The following TGFA variants were observed in gnomAD, a reference collection of about 807,000 sequenced individuals.
The protein encoded by TGFA is transforming growth factor alpha, also known as protransforming growth factor alpha.
Under a neutral mutation model 21.7 loss-of-function variants are expected in TGFA, and 12 were observed. That is an observed-to-expected ratio of 0.55 (90% CI 0.35 to 0.90). The LOEUF is 0.90. TGFA is among the 40% of genes least tolerant of loss of function. The pLI, the probability that TGFA is intolerant of heterozygous loss-of-function variation, is 0.01. For synonymous variants in TGFA, 79 were observed against 88.1 expected (o/e 0.90, Z 0.58); for missense variants, 178 against 210.8 (o/e 0.84, Z 0.96).
chr2:70,551,101 T>C (rs74984127), intron 1 of TGFA, among the ~76,000 whole-genome samples: 1,650 of 152,064 alleles, frequency 0.011, 35 homozygotes, highest in African/African-American at 0.037. Context: ...GATTAAGATC[T>C]TACTACATAC....
chr2:70,524,513 G>A (rs1166161614), intron 1 of TGFA, among the ~76,000 whole-genome samples: 1 of 152,202 alleles, frequency 6.6e-6, no homozygotes, highest in East Asian at 1.9e-4. Context: ...GAGCCCTCTC[G>A]GGCTGGCTGG....
rs111810845 is a variant in TGFA, at chr2:70,522,980, A to T, written c.41-8068T>A. Among the ~76,000 whole-genome samples, 385 of 152,294 alleles carry T rather than the reference A, an allele frequency of 2.5e-3. 2 individuals carry two copies. Among genetic ancestry groups the T allele is most frequent in the Admixed American group, 4.4e-3 (67 of 15,308 alleles). On this transcript the variant is annotated intron_variant, in intron 1 of 5. Transcript: ENST00000295400. Reference sequence around the variant, plus strand: ...GAACTCCATTATAAATAGCTGTACCATTGTTCAGTTGGGTGGTAAGTTAAA... The same window carrying T: ...GAACTCCATTATAAATAGCTGTACCTTTGTTCAGTTGGGTGGTAAGTTAAA...
At chr2:70,519,491 T>C (rs1260514026) in intron 1 of TGFA, among the ~76,000 whole-genome samples, 1 of 152,220 alleles carries the variant, frequency 6.6e-6, no homozygotes, top group Non-Finnish European at 1.5e-5. Flanking sequence ...CAGGTGAGGA[T>C]GCTGGCTTCA....
In TGFA at chr2:70,448,860, C is replaced by A. The variant is rs782561309; in HGVS notation, c.*1999G>T. 1 of 152,242 alleles carries A rather than the reference C, an allele frequency of 6.6e-6. No homozygotes were observed. Among genetic ancestry groups the A allele is most frequent in the Non-Finnish European group, 1.5e-5 (1 of 68,072 alleles). 9.4% of individuals were successfully genotyped at this position (152,242 alleles called of 1,614,324 possible). Reference sequence around the variant, plus strand: ...TCACAGACACTAAATCTCAAGTCTTCGCAGGGAACCTCTGCTTCCGCCATC... The same window carrying A: ...TCACAGACACTAAATCTCAAGTCTTAGCAGGGAACCTCTGCTTCCGCCATC... On this transcript the variant is annotated 3_prime_UTR_variant, in exon 6 of 6. Coordinates refer to ENST00000295400, the MANE Select transcript of TGFA (RefSeq NM_003236.4).
chr2:70,471,111 C>A (rs1259502444), intron 2 of TGFA, among the ~76,000 whole-genome samples: 4 of 139,820 alleles, frequency 2.9e-5, no homozygotes, highest in East Asian at 2.1e-4. Context: ...CTCCCCGCAC[C>A]CCCCCCACCA....
chr2:70,506,619 A>G (rs1332255641), intron 2 of TGFA, among the ~76,000 whole-genome samples: 6 of 152,368 alleles, frequency 3.9e-5, no homozygotes, highest in Admixed American at 3.9e-4. Flanking sequence ...TAACAGCAGC[A>G]GCAGCAGCTA....
chr2:70,504,433 A>AATATATATATATAT (rs200901290), intron 2 of TGFA, among the ~76,000 whole-genome samples: 1,787 of 61,806 alleles, frequency 0.029, 30 homozygotes, highest in Admixed American at 0.038. Flanking sequence ...AAACAAAACA[A>AATATATATATATAT]ATATATATAT....
intron 3 of TGFA, among the ~76,000 whole-genome samples, chr2:70,463,184 AG>A (rs1285045993): frequency 6.5e-4 from 99 of 152,266 alleles, no homozygotes; most frequent in Non-Finnish European, 1.2e-4. Flanking sequence ...TTATACAACA[AG>A]GGTAATAATC....
At chr2:70,546,614 C>T (rs569484133) in intron 1 of TGFA, among the ~76,000 whole-genome samples, 12 of 152,232 alleles carry the variant, frequency 7.9e-5, no homozygotes, top group African/African-American at 2.6e-4. Flanking sequence ...GCTGGGACTA[C>T]AGGCATGCAC....
At chr2:70,550,286 T>G (rs1358956708) in intron 1 of TGFA, among the ~76,000 whole-genome samples, 3 of 152,184 alleles carry the variant, frequency 2.0e-5, no homozygotes, top group Admixed American at 1.3e-4. Context: ...TTATTTTTTT[T>G]TATAAATAGC....
chr2:70,537,368 A>AT (rs1673004876), intron 1 of TGFA, among the ~76,000 whole-genome samples: 3 of 152,212 alleles, frequency 2.0e-5, no homozygotes, highest in African/African-American at 7.2e-5. Flanking sequence ...GAAGAGTGGC[A>AT]TGTCTCTCAC....
In TGFA at chr2:70,535,754, T is replaced by C. The variant is rs1672952093; in HGVS notation, c.40+17974A>G. Among the ~76,000 whole-genome samples, 3 of 152,232 alleles carry C rather than the reference T, an allele frequency of 2.0e-5. No individual in the cohort carries two copies. In the South Asian group the frequency reaches 6.2e-4, roughly 31 times the overall value. On this transcript the variant is annotated intron_variant, in intron 1 of 5. Transcript: ENST00000295400. Reference sequence around the variant, plus strand: ...GTTGCACCGTATGGGAAAGAGACACTTCACAAGAAAATAAGGTCGTATTAC... The same window carrying C: ...GTTGCACCGTATGGGAAAGAGACACCTCACAAGAAAATAAGGTCGTATTAC...
chr2:70,535,575 T>C (rs1553504262), intron 1 of TGFA, among the ~76,000 whole-genome samples: 1 of 152,246 alleles, frequency 6.6e-6, no homozygotes, highest in African/African-American at 2.4e-5. Context: ...TCACAATTAC[T>C]GTTTGATCAC....
chr2:70,515,302 A>T (rs1215391187), intron 1 of TGFA, among the ~76,000 whole-genome samples: 1 of 152,238 alleles, frequency 6.6e-6, no homozygotes, highest in Non-Finnish European at 1.5e-5. Context: ...CAGTGACATT[A>T]AGTACCTTCA....
chr2:70,526,380 CA>C (rs1559136048), intron 1 of TGFA, among the ~76,000 whole-genome samples: 2 of 152,190 alleles, frequency 1.3e-5, no homozygotes, highest in African/African-American at 4.8e-5. Context: ...GGGGATGATG[CA>C]TTTGACTTTC....
chr2:70,519,781 A>T (rs1337981081), intron 1 of TGFA, among the ~76,000 whole-genome samples: 2 of 152,262 alleles, frequency 1.3e-5, no homozygotes, highest in East Asian at 1.9e-4. Context: ...ATAGCAAAAA[A>T]CAAAGTATTC....
chr2:70,471,465 T>TC (rs1670748930), intron 2 of TGFA, among the ~76,000 whole-genome samples: 2 of 152,202 alleles, frequency 1.3e-5, no homozygotes, highest in Non-Finnish European at 2.9e-5. Flanking sequence ...TGTACGAGCC[T>TC]CGTGAGCTGA....
At chr2:70,536,539 CAGAA>C (rs782138141) in intron 1 of TGFA, among the ~76,000 whole-genome samples, 12 of 152,130 alleles carry the variant, frequency 7.9e-5, no homozygotes, top group Non-Finnish European at 1.8e-4. Flanking sequence ...AAATCAATAA[CAGAA>C]AGAGAGCTGA....
intron 2 of TGFA, among the ~76,000 whole-genome samples, chr2:70,502,671 T>C (rs1553499361): frequency 6.6e-6 from 1 of 152,248 alleles, no homozygotes; most frequent in Non-Finnish European, 1.5e-5. Context: ...GTTATGCGAT[T>C]GATCCTGTCA....
Sources: allele counts gnomAD v4.1 joint callset (sites outside exome capture counted in the v4.1 genomes callset), GRCh38; gene constraint gnomAD v4.1.1; transcripts MANE v1.5; gene names NCBI Gene and HGNC (gene_info 2026-07-23, HGNC 2026-07-21).